Variants in SLC38A12 observed in about 807,000 individuals in gnomAD.
SLC38A12 encodes putative sodium-coupled neutral amino acid transporter 12.
At chr17:74,788,829 G>A in the SLC38A12 span, 1 of 1,613,538 alleles carries the variant, frequency 6.2e-7, no homozygotes, top group Non-Finnish European at 8.5e-7. Context: ...CATGGCTGCA[G>A]CCAACGCGCA....
chr17:74,815,560 G>T, the SLC38A12 span, among the ~76,000 whole-genome samples: 1 of 152,314 alleles, frequency 6.6e-6, no homozygotes, highest in African/African-American at 2.4e-5. Flanking sequence ...ACGCTCCGTG[G>T]TGCGGTTAAA....
At chr17:74,800,647 C>T in the SLC38A12 span, among the ~76,000 whole-genome samples, 1 of 152,244 alleles carries the variant, frequency 6.6e-6, no homozygotes, top group East Asian at 1.9e-4. Context: ...AGTGACTTCA[C>T]TGGACTTGGA....
At chr17:74,787,128 C>A in the SLC38A12 span, among the ~76,000 whole-genome samples, 4,939 of 152,280 alleles carry the variant, frequency 0.032, 97 homozygotes, top group Middle Eastern at 0.082. Flanking sequence ...CTAGGAGGTG[C>A]TGAGGCGATT....
At chr17:74,788,702 C>A in the SLC38A12 span, 1 of 1,144,832 alleles carries the variant, frequency 8.7e-7, no homozygotes, top group Non-Finnish European at 1.3e-6. Context: ...GCTGGTGGGT[C>A]TGGTCGGTTC....
At chr17:74,820,339 G>A in the SLC38A12 span, among the ~76,000 whole-genome samples, 1 of 152,224 alleles carries the variant, frequency 6.6e-6, no homozygotes, top group Non-Finnish European at 1.5e-5. Context: ...GGCCACCAGG[G>A]CATGAAAAGA....
the SLC38A12 span, among the ~76,000 whole-genome samples, chr17:74,806,956 T>C: frequency 9.2e-5 from 14 of 152,170 alleles, no homozygotes; most frequent in Non-Finnish European, 1.9e-4. Context: ...TCATGAAGGT[T>C]TTCTGTGTCA....
chr17:74,779,508 A>G, the SLC38A12 span, among the ~76,000 whole-genome samples: 1 of 152,088 alleles, frequency 6.6e-6, no homozygotes, highest in Admixed American at 6.6e-5. Context: ...TTCTGAGGGG[A>G]GAAGACACCT....
chr17:74,816,631 A>G, the SLC38A12 span, among the ~76,000 whole-genome samples: 7 of 151,978 alleles, frequency 4.6e-5, no homozygotes, highest in Non-Finnish European at 7.4e-5. Flanking sequence ...TTTATTCCCC[A>G]TGACCAGTTT....
chr17:74,832,208 C>T, the SLC38A12 span, among the ~76,000 whole-genome samples: 2 of 152,124 alleles, frequency 1.3e-5, no homozygotes, highest in African/African-American at 2.4e-5. Flanking sequence ...TTCCTCCTTT[C>T]CTTCCTTTTC....
At chr17:74,826,515 T>G in the SLC38A12 span, among the ~76,000 whole-genome samples, 1 of 152,200 alleles carries the variant, frequency 6.6e-6, no homozygotes, top group African/African-American at 2.4e-5. Flanking sequence ...TTCCCTCCTT[T>G]CAGCAGAAAC....
At chr17:74,788,833 A>G in the SLC38A12 span, 1 of 1,613,532 alleles carries the variant, frequency 6.2e-7, no homozygotes, top group South Asian at 1.1e-5. Flanking sequence ...GCTGCAGCCA[A>G]CGCGCAGCTC....
chr17:74,828,348 G>A, the SLC38A12 span, among the ~76,000 whole-genome samples: 2 of 152,236 alleles, frequency 1.3e-5, no homozygotes, highest in African/African-American at 4.8e-5. Flanking sequence ...CCTGGAGGAA[G>A]ACCCTTCACC....
the SLC38A12 span, among the ~76,000 whole-genome samples, chr17:74,779,789 T>C: frequency 2.0e-4 from 30 of 152,230 alleles, no homozygotes; most frequent in Admixed American, 2.0e-4. Context: ...TCCTTAGCTC[T>C]CTATTGCCCC....
At chr17:74,838,524 T>G in the SLC38A12 span, 9 of 1,059,280 alleles carry the variant, frequency 8.5e-6, no homozygotes, top group East Asian at 7.5e-5. Context: ...CCCAGGTTGA[T>G]TTATGTGACA....
the SLC38A12 span, among the ~76,000 whole-genome samples, chr17:74,797,453 A>G: frequency 6.6e-6 from 1 of 152,130 alleles, no homozygotes. Flanking sequence ...TGCCCACGAG[A>G]GCCTTTTCTT....
the SLC38A12 span, among the ~76,000 whole-genome samples, chr17:74,827,792 C>G: frequency 6.6e-6 from 1 of 152,118 alleles, no homozygotes; most frequent in Non-Finnish European, 1.5e-5. The surrounding 1 kb of genome is among the most constrained non-coding windows in gnomAD (Gnocchi z 4.7). Flanking sequence ...CTCCTTCTGC[C>G]GAGGTCAGTC....
chr17:74,828,304 G>T, the SLC38A12 span, among the ~76,000 whole-genome samples: 2 of 152,350 alleles, frequency 1.3e-5, no homozygotes, highest in Admixed American at 6.5e-5. Flanking sequence ...GCACAGCTCA[G>T]CACTGGCGTG....
the SLC38A12 span, chr17:74,790,889 C>G: frequency 6.8e-7 from 1 of 1,480,708 alleles, no homozygotes; most frequent in Non-Finnish European, 9.4e-7. Flanking sequence ...CAGTGAGGTC[C>G]TCACCACCCT....
the SLC38A12 span, among the ~76,000 whole-genome samples, chr17:74,784,337 T>C: frequency 6.6e-6 from 1 of 152,064 alleles, no homozygotes; most frequent in African/African-American, 2.4e-5. Context: ...CTCATTTGAA[T>C]TGTAAATAAG....
Sources: allele counts gnomAD v4.1 joint callset (sites outside exome capture counted in the v4.1 genomes callset), GRCh38; gene constraint gnomAD v4.1.1; non-coding constraint Gnocchi (gnomAD v3.1); transcripts MANE v1.5; gene names NCBI Gene and HGNC (gene_info 2026-07-23, HGNC 2026-07-21).